The following UGT1A10 variants were observed in gnomAD, a reference collection of about 807,000 sequenced individuals.
The protein encoded by UGT1A10 is UDP glucuronosyltransferase family 1 member A10.
A neutral mutation model predicts 45.8 loss-of-function variants in UGT1A10; 49 were observed. That is an observed-to-expected ratio of 1.07 (90% CI 0.85 to 1.36). The LOEUF is 1.36. Ranked by LOEUF, UGT1A10 falls within the 40% of genes most tolerant of loss-of-function variation. The pLI is 0.00. For missense variants in UGT1A10, 745 were observed against 668.6 expected (o/e 1.11, Z -1.26); for synonymous variants, 284 against 249.7 (o/e 1.14, Z -1.29).
intron 1 of UGT1A10, chr2:233,719,276 C>T (rs749630489): frequency 1.9e-6 from 3 of 1,614,118 alleles, no homozygotes; most frequent in Non-Finnish European, 2.5e-6. Flanking sequence ...TTTTAACAGA[C>T]CCCGTTAACC....
intron 1 of UGT1A10, among the ~76,000 whole-genome samples, chr2:233,722,554 T>C (rs1040385246): frequency 9.9e-5 from 15 of 152,232 alleles, no homozygotes; most frequent in Non-Finnish European, 2.1e-4. Context: ...TTCTTTTGGT[T>C]GATTTGTAGC....
intron 1 of UGT1A10, among the ~76,000 whole-genome samples, chr2:233,719,840 T>A (rs2076807243): frequency 6.6e-6 from 1 of 152,240 alleles, no homozygotes; most frequent in South Asian, 2.1e-4. Flanking sequence ...GCCTAGTGTA[T>A]TTCAAGTTTT....
At chr2:233,643,162 G>A (rs539427142) in intron 1 of UGT1A10, among the ~76,000 whole-genome samples, 1 of 152,238 alleles carries the variant, frequency 6.6e-6, no homozygotes, top group Non-Finnish European at 1.5e-5. Flanking sequence ...CAGGCCCTGG[G>A]TGGGTCCAGA....
chr2:233,748,321 A>G (rs1693916793), intron 1 of UGT1A10, among the ~76,000 whole-genome samples: 1 of 151,726 alleles, frequency 6.6e-6, no homozygotes, highest in African/African-American at 2.4e-5. Flanking sequence ...ACTAGGACTG[A>G]TGTGACTCAT....
rs566395719 is a variant in UGT1A10, at chr2:233,675,506, T to G, written c.855+38129T>G. Among the ~76,000 whole-genome samples the G allele has an allele frequency of 3.3e-5, 5 of 152,176 alleles. No individual in the cohort carries two copies. In the South Asian group the frequency reaches 1.0e-3, roughly 32 times the overall value. On this transcript the variant is annotated intron_variant, in intron 1 of 4. Coordinates refer to ENST00000344644, the MANE Select transcript of UGT1A10 (RefSeq NM_019075.4). ...TCTGGGGGTGGGATATGGTTACAGA[T>G]AAATAAGAGATCTGTGCTTCCCCCC...
At chr2:233,748,267 A>G (rs762493954) in intron 1 of UGT1A10, among the ~76,000 whole-genome samples, 2 of 151,794 alleles carry the variant, frequency 1.3e-5, no homozygotes, top group Non-Finnish European at 2.9e-5. Context: ...TAAATGGTCA[A>G]TGAGAGGAAG....
intron 1 of UGT1A10, among the ~76,000 whole-genome samples, chr2:233,647,535 A>G (rs2073636439): frequency 6.6e-6 from 1 of 152,246 alleles, no homozygotes; most frequent in African/African-American, 2.4e-5. Flanking sequence ...TTGTGGGAAC[A>G]TTTGAAGTCA....
At chr2:233,739,813 T>G (rs1439144869) in intron 1 of UGT1A10, among the ~76,000 whole-genome samples, 1 of 151,900 alleles carries the variant, frequency 6.6e-6, no homozygotes, top group Non-Finnish European at 1.5e-5. Context: ...GCATGATTGG[T>G]TTTTAAATGT....
intron 1 of UGT1A10, among the ~76,000 whole-genome samples, chr2:233,660,512 T>C (rs544004786): frequency 4.6e-4 from 70 of 152,294 alleles, no homozygotes; most frequent in African/African-American, 1.6e-3. Flanking sequence ...TGGAACCAGT[T>C]TGGAAAAAGT....
At chr2:233,727,488 T>C (rs2077620726) in intron 1 of UGT1A10, among the ~76,000 whole-genome samples, 1 of 151,840 alleles carries the variant, frequency 6.6e-6, no homozygotes, top group Non-Finnish European at 1.5e-5. Context: ...TACTTGGAGG[T>C]AGAACATGGG....
rs761460157 is a variant in UGT1A10, at chr2:233,672,039, G to A, written c.855+34662G>A. On this transcript the variant is annotated intron_variant, in intron 1 of 4. Coordinates refer to ENST00000344644, the MANE Select transcript of UGT1A10 (RefSeq NM_019075.4). ...AGCTACTGGTAGTGCCCATGGATGG[G>A]AGCCACTGGTTCACCATGAGGTCGG... The A allele has an allele frequency of 3.7e-6, 6 of 1,614,034 alleles. No homozygotes were observed. The African/African-American group carries it at 8.0e-5, about 22-fold the overall frequency.
chr2:233,754,396 G>C (rs1026750148), intron 1 of UGT1A10: 23 of 330,472 alleles, frequency 7.0e-5, no homozygotes, highest in African/African-American at 4.7e-4. Context: ...GGTCCTATCC[G>C]TGCAGTCCCA....
chr2:233,672,588 A>C (rs780740766), intron 1 of UGT1A10: 11 of 1,613,912 alleles, frequency 6.8e-6, no homozygotes, highest in East Asian at 4.5e-5. Context: ...AGGAACATTT[A>C]TTATGCCACC....
intron 1 of UGT1A10, among the ~76,000 whole-genome samples, chr2:233,735,334 C>G (rs2078639542): frequency 6.6e-6 from 1 of 152,026 alleles, no homozygotes; most frequent in South Asian, 2.1e-4. Flanking sequence ...ATTGCAACCC[C>G]TGCTTTTTTT....
rs372029333 is a variant in UGT1A10 at position 233,691,097 on chromosome 2, C to T, written c.855+53720C>T. On this transcript the variant is annotated intron_variant, in intron 1 of 4. Coordinates refer to ENST00000344644, the MANE Select transcript of UGT1A10 (RefSeq NM_019075.4). Reference sequence around the variant, plus strand: ...TGAAGTTTGTAGCATCTCTTGATCCCGCTATTCCTACATGCTTGCTTAAGC... The same window carrying T: ...TGAAGTTTGTAGCATCTCTTGATCCTGCTATTCCTACATGCTTGCTTAAGC... 6.7e-5 allele frequency: 66 copies of T among 986,082 alleles called. No individual in the cohort carries two copies. In the East Asian group the frequency reaches 2.2e-3, roughly 32 times the overall value. The allele number at this position is 986,082 out of a possible 1,614,324, so 61.1% of individuals were successfully genotyped here.
chr2:233,668,739 T>C (rs2074125570), intron 1 of UGT1A10, among the ~76,000 whole-genome samples: 1 of 152,218 alleles, frequency 6.6e-6, no homozygotes, highest in Non-Finnish European at 1.5e-5. Context: ...CACAACTCAT[T>C]AATCAACACT....
chr2:233,747,668 C>T (rs1693744696), intron 1 of UGT1A10: 1 of 1,603,064 alleles, frequency 6.2e-7, no homozygotes, highest in East Asian at 2.2e-5. Context: ...TTTTAATAGA[C>T]CCAATTTACC....
intron 1 of UGT1A10, chr2:233,740,779 T>C (rs1209368922): frequency 1.3e-5 from 2 of 151,852 alleles, no homozygotes; most frequent in African/African-American, 4.9e-5. Flanking sequence ...GTATAAAAGA[T>C]GAATACCCAC....
At chr2:233,643,748 C>T (rs1376415820) in intron 1 of UGT1A10, among the ~76,000 whole-genome samples, 2 of 152,212 alleles carry the variant, frequency 1.3e-5, no homozygotes, top group South Asian at 2.1e-4. Context: ...TCCAAGGTCT[C>T]TTCAGTTAGC....
Sources: allele counts gnomAD v4.1 joint callset (sites outside exome capture counted in the v4.1 genomes callset), GRCh38; gene constraint gnomAD v4.1.1; transcripts MANE v1.5; gene names NCBI Gene and HGNC (gene_info 2026-07-23, HGNC 2026-07-21).